Variants in MARCHF11 observed in about 807,000 individuals in gnomAD.
MARCHF11 encodes E3 ubiquitin-protein ligase MARCHF11.
MARCHF11 carries 29 observed loss-of-function variants against 37.3 expected under a neutral mutation model. The ratio of observed to expected loss-of-function variants is 0.78; its 90% CI spans 0.58 to 1.06. The LOEUF is 1.06. Among genes scored for constraint, MARCHF11 ranks in the 50% least tolerant of loss-of-function variants. The probability of loss-of-function intolerance (pLI) is 0.00; values close to 1 mark genes in which losing one functional copy is unlikely to be tolerated. For missense variants in MARCHF11, 482 were observed against 533.4 expected (o/e 0.90, Z 0.95); for synonymous variants, 233 against 228.0 (o/e 1.02, Z -0.20).
At chr5:16,157,215 A>AAAGAT (rs3034890) in intron 2 of MARCHF11, among the ~76,000 whole-genome samples, 127,317 of 151,416 alleles carry the variant, frequency 0.84, 53,702 homozygotes, top group Middle Eastern at 0.89. Flanking sequence ...GAGTAAATGA[A>AAAGAT]ATCCCGTGTT....
chr5:16,163,169 C>G (rs1363684837), intron 2 of MARCHF11, among the ~76,000 whole-genome samples: 2 of 138,056 alleles, frequency 1.4e-5, no homozygotes, highest in South Asian at 2.6e-4. Context: ...GCAGAAGAAG[C>G]AACTGACTAT....
At chr5:16,101,736 C>T (rs999681419) in intron 2 of MARCHF11, among the ~76,000 whole-genome samples, 1 of 152,190 alleles carries the variant, frequency 6.6e-6, no homozygotes, top group Non-Finnish European at 1.5e-5. Flanking sequence ...GCTAAAGGAG[C>T]TTATTTAAAC....
chr5:16,173,695 T>C (rs1240704299), intron 2 of MARCHF11, among the ~76,000 whole-genome samples: 1 of 152,110 alleles, frequency 6.6e-6, no homozygotes, highest in East Asian at 1.9e-4. Flanking sequence ...GGTGACACAA[T>C]GAGAAATAAA....
intron 2 of MARCHF11, among the ~76,000 whole-genome samples, chr5:16,134,486 G>A (rs999398329): frequency 2.0e-5 from 3 of 152,092 alleles, no homozygotes; most frequent in African/African-American, 7.2e-5. Context: ...AGAACCATTA[G>A]CCAACAACTT....
intron 2 of MARCHF11, among the ~76,000 whole-genome samples, chr5:16,151,649 A>ATGTGTT (rs1553998154): frequency 1.4e-4 from 18 of 131,410 alleles, no homozygotes; most frequent in African/African-American, 5.2e-4. Flanking sequence ...CGTGAGTTGA[A>ATGTGTT]TGTGTGTGTG....
intron 2 of MARCHF11, among the ~76,000 whole-genome samples, chr5:16,147,818 AG>A (rs1737824197): frequency 6.6e-6 from 1 of 152,170 alleles, no homozygotes; most frequent in African/African-American, 2.4e-5. Context: ...CCATTGCCTA[AG>A]TACTACTAGA....
At chr5:16,100,221 T>G (rs1218646127) in intron 2 of MARCHF11, among the ~76,000 whole-genome samples, 1 of 152,116 alleles carries the variant, frequency 6.6e-6, no homozygotes, top group African/African-American at 2.4e-5. Flanking sequence ...CTAGGAAGAC[T>G]TCGCTTTACT....
chr5:16,157,394 G>A (rs184182841), intron 2 of MARCHF11, among the ~76,000 whole-genome samples: 1 of 151,884 alleles, frequency 6.6e-6, no homozygotes, highest in African/African-American at 2.4e-5. Context: ...AAGCAATCCT[G>A]AGAAAAAAGA....
At chr5:16,111,617 C>A (rs1459953686) in intron 2 of MARCHF11, among the ~76,000 whole-genome samples, 1 of 152,142 alleles carries the variant, frequency 6.6e-6, no homozygotes, top group Non-Finnish European at 1.5e-5. Flanking sequence ...AAATTTGCAG[C>A]CTGACTACTC....
At position 16,067,673 on chromosome 5, in the gene MARCHF11, C is replaced by A. The variant is rs555256681; in HGVS notation, c.1007G>T (p.Gly336Val). Reference sequence around the variant, plus strand: ...CAAAGTCCTACTTGTGGAAGACTCTCCCCGGCTGCTTTCTTCGATGTCTGT... The same window carrying A: ...CAAAGTCCTACTTGTGGAAGACTCTACCCGGCTGCTTTCTTCGATGTCTGT... ...KATDIEESSR[G>V]ESSTSRTLWL... is the part of the protein sequence containing the mutation. The change falls in exon 4 of 4, where the codon GGA (glycine) becomes GTA (valine). Residue 336 changes from glycine to valine, a missense_variant. Transcript: ENST00000332432. 2 of 1,613,970 alleles carry A rather than the reference C, an allele frequency of 1.2e-6. No individual in the cohort carries two copies. Among genetic ancestry groups the A allele is most frequent in the African/African-American group, 2.7e-5 (2 of 75,054 alleles).
intron 2 of MARCHF11, among the ~76,000 whole-genome samples, chr5:16,144,474 T>C (rs983081920): frequency 1.3e-5 from 2 of 152,156 alleles, no homozygotes; most frequent in Non-Finnish European, 2.9e-5. Context: ...TCCCTTTTCT[T>C]TAATCTCCAG....
At chr5:16,104,914 AACACAC>A (rs35858618) in intron 2 of MARCHF11, among the ~76,000 whole-genome samples, 2 of 149,550 alleles carry the variant, frequency 1.3e-5, no homozygotes, top group African/African-American at 4.9e-5. Context: ...GACTAAAGGA[AACACAC>A]ACACACACAC....
chr5:16,141,045 T>G (rs184089901), intron 2 of MARCHF11: 3 of 152,578 alleles, frequency 2.0e-5, no homozygotes, highest in Admixed American at 2.0e-4. Flanking sequence ...AGTGGAACTG[T>G]ACAGGATGTG....
rs80149130 is a variant in MARCHF11, at chr5:16,100,784, G to A, written c.694-9703C>T. On this transcript the variant is annotated intron_variant, in intron 2 of 3. Transcript: ENST00000332432. Reference sequence around the variant, plus strand: ...AAGGTGTAAAAAGTTTTCTTAGAAGGAATAAAGATGCTTAGTGGGAAGGTT... The same window carrying A: ...AAGGTGTAAAAAGTTTTCTTAGAAGAAATAAAGATGCTTAGTGGGAAGGTT... Among the ~76,000 whole-genome samples, 901 of 152,270 alleles carry A rather than the reference G, an allele frequency of 5.9e-3. 12 individuals are homozygous for A. Among genetic ancestry groups the A allele is most frequent in the African/African-American group, 0.019 (779 of 41,540 alleles).
intron 2 of MARCHF11, among the ~76,000 whole-genome samples, chr5:16,097,000 G>C (rs1016290109): frequency 6.6e-6 from 1 of 152,110 alleles, no homozygotes; most frequent in Admixed American, 6.6e-5. Flanking sequence ...TTACAAGGCA[G>C]GCCAGAATGA....
intron 2 of MARCHF11, among the ~76,000 whole-genome samples, chr5:16,115,683 A>C (rs372267388): frequency 2.0e-5 from 3 of 150,392 alleles, no homozygotes; most frequent in African/African-American, 7.4e-5. Context: ...GCTGGAGTGC[A>C]GTGGTGCAGT....
intron 2 of MARCHF11, among the ~76,000 whole-genome samples, chr5:16,145,416 C>A (rs1024034766): frequency 2.0e-5 from 3 of 152,154 alleles, no homozygotes; most frequent in Non-Finnish European, 4.4e-5. Context: ...GACACAGCAA[C>A]CAAGTCACCA....
intron 2 of MARCHF11, among the ~76,000 whole-genome samples, chr5:16,173,505 A>T (rs1409348694): frequency 1.3e-5 from 2 of 152,176 alleles, no homozygotes; most frequent in Non-Finnish European, 2.9e-5. Flanking sequence ...CTGGAGAGTA[A>T]ATATGCTCAC....
At chr5:16,105,970 T>A (rs1737032547) in intron 2 of MARCHF11, among the ~76,000 whole-genome samples, 1 of 152,110 alleles carries the variant, frequency 6.6e-6, no homozygotes, top group Admixed American at 6.5e-5. Context: ...ACAATCTACT[T>A]GATAAGATCA....
Sources: allele counts gnomAD v4.1 joint callset (sites outside exome capture counted in the v4.1 genomes callset), GRCh38; gene constraint gnomAD v4.1.1; transcripts MANE v1.5; gene names NCBI Gene and HGNC (gene_info 2026-07-23, HGNC 2026-07-21).